Variants in NPIPB11 observed in about 807,000 individuals in gnomAD.
The protein encoded by NPIPB11 is nuclear pore complex-interacting protein family member B11.
NPIPB11 carries 17 observed loss-of-function variants against 32.8 expected under a neutral mutation model. The observed-to-expected ratio is 0.52, with a 90% confidence interval of 0.35 to 0.78. NPIPB11 has a LOEUF of 0.78. NPIPB11 is among the 30% of genes least tolerant of loss of function. The pLI, the probability that NPIPB11 is intolerant of heterozygous loss-of-function variation, is 0.01. For synonymous variants in NPIPB11, 209 were observed against 398.4 expected, an observed-to-expected ratio of 0.52 and a Z score of 5.66; for missense variants, 537 against 1,000.4, an observed-to-expected ratio of 0.54 and a Z score of 6.25.
At chr16:29,390,043 T>A (rs1441411647) in exon 5 of NPIPB11, 1 of 1,595,526 alleles carries the variant, frequency 6.3e-7, no homozygotes, top group Admixed American at 1.7e-5. Flanking sequence ...TGTTTCCACA[T>A]GCCTCCGTAG....
chr16:29,396,927 A>C (rs1255717807), intron 2 of NPIPB11, among the ~76,000 whole-genome samples: 1 of 151,924 alleles, frequency 6.6e-6, no homozygotes, highest in African/African-American at 2.4e-5. Context: ...AGGCAGGCGG[A>C]TCACGAGGTC....
chr16:29,389,589 G>T (rs1232440860), intron 5 of NPIPB11, among the ~76,000 whole-genome samples: 1 of 140,478 alleles, frequency 7.1e-6, no homozygotes, highest in Non-Finnish European at 1.5e-5. Flanking sequence ...CAGGAGAATT[G>T]CTTGAACCCA....
At chr16:29,393,238 G>GAT (rs1189302741) in intron 3 of NPIPB11, among the ~76,000 whole-genome samples, 1 of 151,382 alleles carries the variant, frequency 6.6e-6, no homozygotes, top group Non-Finnish European at 1.5e-5. Context: ...AGTTCTAAGA[G>GAT]TCTCTGGGGC....
At chr16:29,400,051 T>C (rs1165738737) in intron 2 of NPIPB11, among the ~76,000 whole-genome samples, 3 of 151,818 alleles carry the variant, frequency 2.0e-5, no homozygotes, top group Non-Finnish European at 2.9e-5. Context: ...CACTCCAGCC[T>C]GGGTGACAGA....
At chr16:29,403,139 G>A (rs1433134099) in intron 2 of NPIPB11, among the ~76,000 whole-genome samples, 198 of 140,506 alleles carry the variant, frequency 1.4e-3, no homozygotes, top group East Asian at 2.7e-3. Flanking sequence ...GTGCAATGGC[G>A]TGATCTCGGC....
At chr16:29,399,799 C>T (rs1158897995) in intron 2 of NPIPB11, among the ~76,000 whole-genome samples, 2 of 151,916 alleles carry the variant, frequency 1.3e-5, no homozygotes, top group Non-Finnish European at 2.9e-5. Flanking sequence ...CTAGATTTGG[C>T]TGGGCATGGT....
At chr16:29,382,937 T>G (rs1231269676) in exon 8 of NPIPB11, 12 of 611,966 alleles carry the variant, frequency 2.0e-5, no homozygotes, top group Admixed American at 1.5e-4. Context: ...TCGGCAGGTG[T>G]CTTGATATTA....
At chr16:29,389,367 TAAAAAAAAAAAAA>T (rs1175211779) in intron 5 of NPIPB11, among the ~76,000 whole-genome samples, 4 of 58,656 alleles carry the variant, frequency 6.8e-5, no homozygotes, top group African/African-American at 2.5e-4. Flanking sequence ...ATCTCAAAAT[TAAAAAAAAAAAAA>T]AAAAAAAAAA....
intron 5 of NPIPB11, 24 bp downstream of exon 5, chr16:29,389,917 T>G: frequency 6.3e-7 from 1 of 1,585,004 alleles, no homozygotes; most frequent in Non-Finnish European, 8.5e-7. Flanking sequence ...CCTACAACAG[T>G]ATTTGTGTCA....
intron 5 of NPIPB11, 74 bp downstream of exon 5, chr16:29,389,867 C>G: frequency 5.1e-6 from 8 of 1,573,624 alleles, no homozygotes; most frequent in South Asian, 2.3e-5. Flanking sequence ...AAAATATTCT[C>G]AAGGACTTTA....
chr16:29,395,904 G>A lies in NPIPB11; in HGVS notation c.121-1828C>T, dbSNP rs1372029890. On this transcript the variant is annotated intron_variant, in intron 2 of 7. Coordinates refer to ENST00000524087, the Ensembl canonical transcript of NPIPB11. The stretch of plus-strand genomic sequence containing the variant: ...GAGGCAGAAGAATCACTTGAACCCG[G>A]GAGGCAGAGGTTGCAGTGAGCCGAG... Among the ~76,000 whole-genome samples, 77 of 147,332 alleles carry A rather than the reference G, an allele frequency of 5.2e-4. 1 individual carries two copies. The highest frequency in any genetic ancestry group is 1.8e-3 in the African/African-American group (75 of 40,576).
At chr16:29,397,959 G>A (rs1278236067) in intron 2 of NPIPB11, among the ~76,000 whole-genome samples, 5 of 95,442 alleles carry the variant, frequency 5.2e-5, no homozygotes, top group African/African-American at 2.5e-4. Flanking sequence ...CAGGACACGC[G>A]GGGCAAGGGA....
At chr16:29,402,746 G>GTGTGTGTGTGTGTGTGTGTGTGTA (rs1964026781) in intron 2 of NPIPB11, among the ~76,000 whole-genome samples, 1 of 150,422 alleles carries the variant, frequency 6.6e-6, no homozygotes, top group Admixed American at 6.6e-5. Context: ...GTGTGTGTGT[G>GTGTGTGTGTGTGTGTGTGTGTGTA]TGTGTGTGTG....
rs543598141 is a variant in NPIPB11 at position 29,399,905 on chromosome 16, C to T, written c.120+3778G>A. On this transcript the variant is annotated intron_variant, in intron 2 of 7. Transcript: ENST00000524087. Reference sequence around the variant, plus strand: ...CAGCCTGACCAACATGGTGAAACCCCGTCTCTACTAAAAATACAAAAATTA... The same window carrying T: ...CAGCCTGACCAACATGGTGAAACCCTGTCTCTACTAAAAATACAAAAATTA... Among the ~76,000 whole-genome samples the T allele has an allele frequency of 1.2e-3, 183 of 151,744 alleles. 1 individual carries two copies. The highest frequency in any genetic ancestry group is 4.2e-3 in the African/African-American group (173 of 41,392).
chr16:29,383,781 G>A (rs535585335), exon 8 of NPIPB11: 1 of 1,085,200 alleles, frequency 9.2e-7, no homozygotes, highest in East Asian at 2.9e-5. Flanking sequence ...ATCATCCGCT[G>A]AGGGTGGAAG....
rs778865878 is a variant in NPIPB11, at chr16:29,383,792, C to T, written c.1140G>A (p.Pro380=). The change falls in exon 8 of 8, where the codon CCG becomes CCA. Residue 380 remains proline, a synonymous_variant. Coordinates refer to ENST00000524087, the Ensembl canonical transcript of NPIPB11. ...GATTATCATCCGCTGAGGGTGGAAG[C>T]GGCCCCCGCAGACGCTCGGCAGTTG... 4.1e-5 allele frequency: 46 copies of T among 1,122,804 alleles called. 3 individuals are homozygous for T. In the African/African-American group the frequency reaches 1.4e-3, roughly 35 times the overall value. The allele number at this position is 1,122,804 out of a possible 1,614,324, so 69.6% of individuals were successfully genotyped here.
upstream of NPIPB11, among the ~76,000 whole-genome samples, chr16:29,405,239 A>G (rs1402664493): frequency 1.3e-5 from 2 of 151,928 alleles, no homozygotes; most frequent in East Asian, 1.9e-4. Context: ...AAAAATCGAT[A>G]TTGTAGGACA....
rs1307591636 is a variant in NPIPB11 at position 29,399,869 on chromosome 16, G to A, written c.120+3814C>T. Among the ~76,000 whole-genome samples the A allele has an allele frequency of 3.9e-5, 6 of 151,930 alleles. No individual in the cohort carries two copies. In the South Asian group the frequency reaches 8.3e-4, roughly 21 times the overall value. On this transcript the variant is annotated intron_variant, in intron 2 of 7. Transcript: ENST00000524087. ...TGAGGCAGGCGCATCACGAGGTTAGGAGTTCGAGACCAGCCTGACCAACAT... is the reference window on the plus strand; with the variant it reads ...TGAGGCAGGCGCATCACGAGGTTAGAAGTTCGAGACCAGCCTGACCAACAT...
chr16:29,405,703 AAC>A (rs1458682813), upstream of NPIPB11, among the ~76,000 whole-genome samples: 3 of 152,114 alleles, frequency 2.0e-5, no homozygotes, highest in South Asian at 2.1e-4. Context: ...GAATAATTTT[AAC>A]ACAGTCAATG....
Sources: gnomAD v4.1 joint callset for allele counts (sites outside exome capture counted in the v4.1 genomes callset) on GRCh38, gnomAD v4.1.1 for gene constraint, MANE v1.5 for transcripts, NCBI Gene and HGNC (gene_info 2026-07-23, HGNC 2026-07-21) for gene names.